Variants in GRID1 observed in about 807,000 individuals in gnomAD.
GRID1 encodes the protein glutamate receptor ionotropic, delta-1.
A neutral mutation model predicts 98.0 loss-of-function variants in GRID1; 28 were observed. That is an observed-to-expected ratio of 0.29 (90% CI 0.21 to 0.39). The LOEUF is 0.39. Ranked by LOEUF, GRID1 falls within the 10% of genes least tolerant of loss-of-function variation. The pLI is 1.00. For missense variants in GRID1, 1,111 were observed against 1,340.5 expected (o/e 0.83, Z 2.67); for synonymous variants, 553 against 538.5 (o/e 1.03, Z -0.37).
At position 86,065,038 on chromosome 10, in the gene GRID1, G is replaced by C. The variant is rs1016833288; in HGVS notation, c.726+73781C>G. 4.6e-5 allele frequency among the ~76,000 whole-genome samples: 7 copies of C among 152,262 alleles called. No homozygotes were observed. In the South Asian group the frequency reaches 8.3e-4, roughly 18 times the overall value. On this transcript the variant is annotated intron_variant, in intron 4 of 15. Coordinates refer to ENST00000327946, the MANE Select transcript of GRID1 (RefSeq NM_017551.3). ...GTAGCAGCCAGAGGCTGTGGCTCAGGAGCAGCTGTTCTCTTTGCACGGGGT... is the reference window on the plus strand; with the variant it reads ...GTAGCAGCCAGAGGCTGTGGCTCAGCAGCAGCTGTTCTCTTTGCACGGGGT...
At chr10:85,609,041 C>T (rs1169017231) in intron 15 of GRID1, among the ~76,000 whole-genome samples, 1 of 152,144 alleles carries the variant, frequency 6.6e-6, no homozygotes, top group Non-Finnish European at 1.5e-5. Context: ...CTCCCAAGTC[C>T]TCTGGAAAAT....
At chr10:86,321,121 C>A (rs5006464) in intron 2 of GRID1, among the ~76,000 whole-genome samples, 39 of 144,868 alleles carry the variant, frequency 2.7e-4, no homozygotes, top group South Asian at 4.3e-4. Context: ...AGAAAAAAAG[C>A]AAAAAAAAAA....
intron 4 of GRID1, among the ~76,000 whole-genome samples, chr10:86,109,993 G>T (rs994062189): frequency 1.4e-5 from 2 of 147,504 alleles, no homozygotes; most frequent in Non-Finnish European, 3.0e-5. Context: ...TTTTTTTTGA[G>T]GGGGAGTCTC....
chr10:85,602,692 C>A lies in GRID1; in HGVS notation c.2611G>T (p.Val871Leu). 6.2e-7 allele frequency: 1 copy of A among 1,610,796 alleles called. No individual in the cohort carries two copies. Among genetic ancestry groups the A allele is most frequent in the Non-Finnish European group, 8.5e-7 (1 of 1,178,154 alleles). Residue 871 changes from valine to leucine, a missense_variant, in exon 16 of 16, where the codon GTG (valine) becomes TTG (leucine). Val to Leu is a conservative substitution (Grantham distance 32). Transcript: ENST00000327946. ...HQETPKEDKE[V>L]NLEQVHRRMN... Reference sequence around the variant, plus strand: ...CGCCGGTGGACCTGCTCCAAGTTCACTTCTTTGTCCTGGAGGGAAGGCATA... The same window carrying A: ...CGCCGGTGGACCTGCTCCAAGTTCAATTCTTTGTCCTGGAGGGAAGGCATA...
chr10:86,313,277 A>G (rs1296594802), intron 2 of GRID1, among the ~76,000 whole-genome samples: 1 of 152,248 alleles, frequency 6.6e-6, no homozygotes, highest in African/African-American at 2.4e-5. Flanking sequence ...TGTGCCAGGC[A>G]CCAGGCCAAG....
At chr10:85,715,222 C>T (rs961051920) in intron 12 of GRID1, among the ~76,000 whole-genome samples, 6 of 152,068 alleles carry the variant, frequency 3.9e-5, no homozygotes, top group African/African-American at 1.4e-4. Flanking sequence ...TCACACCATA[C>T]ACAAAAATCA....
At chr10:85,919,596 C>T (rs1400983826) in intron 4 of GRID1, among the ~76,000 whole-genome samples, 2 of 152,232 alleles carry the variant, frequency 1.3e-5, no homozygotes, top group African/African-American at 4.8e-5. Context: ...CCCCAGTGGG[C>T]AATGTCCCTC....
At chr10:85,769,056 A>T (rs962726347) in intron 8 of GRID1, among the ~76,000 whole-genome samples, 1 of 152,236 alleles carries the variant, frequency 6.6e-6, no homozygotes, top group African/African-American at 2.4e-5. Context: ...TTGTACTTGT[A>T]AACAAACAAA....
chr10:85,782,717 G>C (rs934015095), intron 8 of GRID1, among the ~76,000 whole-genome samples: 2 of 152,238 alleles, frequency 1.3e-5, no homozygotes, highest in Non-Finnish European at 2.9e-5. Context: ...TGCCTGGTGG[G>C]CATAAAATGA....
intron 4 of GRID1, among the ~76,000 whole-genome samples, chr10:86,130,928 C>G (rs928807884): frequency 1.3e-5 from 2 of 152,132 alleles, no homozygotes; most frequent in Non-Finnish European, 2.9e-5. Context: ...TGCACCTGCC[C>G]GTCTGCGTGC....
chr10:86,056,794 A>G (rs1843579469), intron 4 of GRID1, among the ~76,000 whole-genome samples: 1 of 152,222 alleles, frequency 6.6e-6, no homozygotes, highest in Non-Finnish European at 1.5e-5. Context: ...GCTGTTGCCC[A>G]TACATATGGC....
rs148818063 is a variant in GRID1, at chr10:86,284,528, C to T, written c.236-77880G>A. 3.8e-3 allele frequency among the ~76,000 whole-genome samples: 586 copies of T among 152,362 alleles called. 3 individuals carry two copies. Among genetic ancestry groups the T allele is most frequent in the African/African-American group, 0.014 (566 of 41,584 alleles). ...ACTTCCACCACTGCTGAGCTGGGGG[C>T]TGCCCTACCACTGCGGAGTTGAACC... is the stretch of plus-strand genomic sequence containing the variant. On this transcript the variant is annotated intron_variant, in intron 2 of 15. Coordinates refer to ENST00000327946, the MANE Select transcript of GRID1 (RefSeq NM_017551.3).
chr10:85,766,055 T>G (rs757595264), intron 8 of GRID1, among the ~76,000 whole-genome samples: 4 of 152,230 alleles, frequency 2.6e-5, no homozygotes, highest in Non-Finnish European at 5.9e-5. Flanking sequence ...GCAGTACATG[T>G]GCTGCAGCCC....
intron 2 of GRID1, among the ~76,000 whole-genome samples, chr10:86,302,407 T>G (rs1490289744): frequency 1.3e-5 from 2 of 152,160 alleles, no homozygotes; most frequent in African/African-American, 2.4e-5. Context: ...CCTTGGGAAT[T>G]TGATGCAACC....
intron 2 of GRID1, among the ~76,000 whole-genome samples, chr10:86,250,552 G>A (rs557551558): frequency 2.4e-4 from 37 of 152,362 alleles, no homozygotes; most frequent in Non-Finnish European, 4.7e-4. Context: ...AAAATTGCAT[G>A]TGTACTGGGG....
chr10:85,782,082 A>G (rs1253513408), intron 8 of GRID1, among the ~76,000 whole-genome samples: 1 of 152,244 alleles, frequency 6.6e-6, no homozygotes, highest in Non-Finnish European at 1.5e-5. Flanking sequence ...TAATGTTCTC[A>G]TAATAATTTC....
chr10:86,097,892 C>A (rs1032130091), intron 4 of GRID1, among the ~76,000 whole-genome samples: 1 of 152,044 alleles, frequency 6.6e-6, no homozygotes, highest in Non-Finnish European at 1.5e-5. Flanking sequence ...CCAATCACTT[C>A]TTGAGAAAAA....
intron 5 of GRID1, among the ~76,000 whole-genome samples, chr10:85,879,065 A>G (rs1270877688): frequency 2.0e-5 from 3 of 152,070 alleles, no homozygotes; most frequent in Non-Finnish European, 2.9e-5. Context: ...CAACAAGAAG[A>G]GCTAACTATC....
Position 85,856,102 on chromosome 10 carries a change from G to A in GRID1, c.1040C>T (p.Ala347Val), listed in dbSNP as rs1289900545. 1.2e-6 allele frequency: 2 copies of A among 1,614,038 alleles called. No homozygotes were observed. Among genetic ancestry groups the A allele is most frequent in the Non-Finnish European group, 1.7e-6 (2 of 1,179,926 alleles). The part of the protein sequence containing the change: ...KLEDRKWHSM[A>V]SLNCIRKSTK... ...GGATTTCCGTATGCAGTTGAGGCTCGCCATGCTATGCCACTTCCGGTCCTC... is the reference window on the plus strand; with the variant it reads ...GGATTTCCGTATGCAGTTGAGGCTCACCATGCTATGCCACTTCCGGTCCTC... The change falls in exon 7 of 16, where the codon GCG becomes GTG. Residue 347 changes from alanine to valine, a missense_variant. Ala to Val is a moderately conservative substitution (Grantham distance 64). This residue lies in a region of GRID1 where 762 missense variants were observed against 869.1 expected (regional missense o/e 0.88). Transcript: ENST00000327946.
Sources: allele counts gnomAD v4.1 joint callset (sites outside exome capture counted in the v4.1 genomes callset), GRCh38; gene constraint gnomAD v4.1.1; regional missense constraint gnomAD v4.1.1; transcripts MANE v1.5; gene names NCBI Gene and HGNC (gene_info 2026-07-23, HGNC 2026-07-21).